The following SLC5A1 variants were observed in gnomAD, a reference collection of about 807,000 sequenced individuals.
SLC5A1 encodes sodium/glucose cotransporter 1.
A neutral mutation model predicts 73.5 loss-of-function variants in SLC5A1; 42 were observed. The observed-to-expected ratio is 0.57, with a 90% confidence interval of 0.45 to 0.74. The LOEUF (loss-of-function observed/expected upper bound fraction) is 0.74. SLC5A1 is among the 30% of genes least tolerant of loss of function. The probability of loss-of-function intolerance (pLI) is 0.00; values close to 1 mark genes in which losing one functional copy is unlikely to be tolerated. For synonymous variants in SLC5A1, 300 were observed against 317.4 expected (o/e 0.95, Z 0.58); for missense variants, 634 against 855.4 (o/e 0.74, Z 3.23).
chr22:32,053,727 C>CAGA (rs1459931340), intron 2 of SLC5A1, among the ~76,000 whole-genome samples: 1 of 152,094 alleles, frequency 6.6e-6, no homozygotes, highest in African/African-American at 2.4e-5. Flanking sequence ...TCGGAAGAGG[C>CAGA]AGAAAGGTGG....
intron 10 of SLC5A1, among the ~76,000 whole-genome samples, chr22:32,091,068 T>C (rs1377629431): frequency 6.6e-6 from 1 of 152,164 alleles, no homozygotes; most frequent in Non-Finnish European, 1.5e-5. Context: ...TTTGGCATTT[T>C]AAATTGGGTT....
chr22:32,109,957 T>C (rs770717698), intron 14 of SLC5A1, 33 bp from the exon 15 acceptor site: 1 of 1,579,064 alleles, frequency 6.3e-7, no homozygotes, highest in South Asian at 1.1e-5. Flanking sequence ...ATCCTGCTTC[T>C]GTGTCCAATA....
chr22:32,085,083 C>G, intron 9 of SLC5A1, 48 bp downstream of exon 9: 1 of 1,610,740 alleles, frequency 6.2e-7, no homozygotes, highest in Non-Finnish European at 8.5e-7. Context: ...TTTTCTGTCT[C>G]CAAGTCACTT....
chr22:32,112,699 C>A lies in SLC5A1; in HGVS notation c.*2486C>A, dbSNP rs534167609. On this transcript the variant is annotated 3_prime_UTR_variant, in exon 15 of 15. Coordinates refer to ENST00000266088, the MANE Select transcript of SLC5A1 (RefSeq NM_000343.4). ...AATCTTAAAAAGTCAAACTCAGAAGCAGAGAGTAGAATGATGGTTATCAAG... is the reference window on the plus strand; with the variant it reads ...AATCTTAAAAAGTCAAACTCAGAAGAAGAGAGTAGAATGATGGTTATCAAG... 1 of 151,988 alleles carries A rather than the reference C, an allele frequency of 6.6e-6. No homozygotes were observed. The highest frequency in any genetic ancestry group is 2.4e-5 in the African/African-American group (1 of 41,418). The allele number at this position is 151,988 out of a possible 1,614,324, so 9.4% of individuals were successfully genotyped here.
At chr22:32,077,283 CCT>C (rs918967739) in intron 5 of SLC5A1, among the ~76,000 whole-genome samples, 8 of 149,680 alleles carry the variant, frequency 5.3e-5, no homozygotes, top group African/African-American at 1.7e-4. Flanking sequence ...TTTCTCTCTC[CCT>C]CTGTTACCTT....
chr22:32,049,963 T>G lies in SLC5A1; in HGVS notation c.156T>G (p.Arg52=). 6.2e-7 allele frequency: 1 copy of G among 1,614,102 alleles called. No individual in the cohort carries two copies. Among genetic ancestry groups the G allele is most frequent in the African/African-American group, 1.3e-5 (1 of 75,050 alleles). Reference sequence around the variant, plus strand: ...CTCAGGCTATGTTTTCCACCAATCGTGGGACTGTTGGAGGCTTCTTCCTGG... The same window carrying G: ...CTCAGGCTATGTTTTCCACCAATCGGGGGACTGTTGGAGGCTTCTTCCTGG... ...VGLWAMFSTN[R]GTVGGFFLAG... Residue 52 remains arginine, a synonymous_variant, in exon 2 of 15, where the codon CGT becomes CGG. Coordinates refer to ENST00000266088, the MANE Select transcript of SLC5A1 (RefSeq NM_000343.4).
At chr22:32,071,134 A>G (rs2093982242) in intron 5 of SLC5A1, among the ~76,000 whole-genome samples, 1 of 152,130 alleles carries the variant, frequency 6.6e-6, no homozygotes, top group East Asian at 1.9e-4. Context: ...CTGAAAACAC[A>G]AAGTGTTCTT....
At chr22:32,075,029 T>C (rs1428200940) in intron 5 of SLC5A1, among the ~76,000 whole-genome samples, 2 of 151,680 alleles carry the variant, frequency 1.3e-5, no homozygotes, top group Non-Finnish European at 2.9e-5. Flanking sequence ...CCTGAGTAGC[T>C]GAGACTACAT....
chr22:32,053,883 A>G (rs1394525929), intron 2 of SLC5A1, among the ~76,000 whole-genome samples: 1 of 152,188 alleles, frequency 6.6e-6, no homozygotes, highest in Non-Finnish European at 1.5e-5. Context: ...CATCATTATA[A>G]TTGTTTCTCA....
rs199573966 is a variant in SLC5A1, at chr22:32,091,723, G to T, written c.1241G>T (p.Arg414Leu). The change falls in exon 11 of 15, where the codon CGC becomes CTC. Residue 414 changes from arginine to leucine, a missense_variant. By Grantham distance (102) the Arg-to-Leu change is moderately radical (BLOSUM62 -2). Around this residue, in one of 3 missense-constraint regions of SLC5A1, gnomAD observed 422 missense variants for 626.1 expected, o/e 0.67. Transcript: ENST00000266088. ...LFTMDIYAKV[R>L]KRASEKELMI... ...ACCATGGACATCTACGCCAAGGTCC[G>T]CAAGAGAGCATCTGAGAAAGAGCTC... 1.9e-6 allele frequency: 3 copies of T among 1,613,826 alleles called. No individual in the cohort carries two copies. The highest frequency in any genetic ancestry group is 1.3e-5 in the African/African-American group (1 of 74,868).
chr22:32,047,103 GT>G (rs2093938175), intron 1 of SLC5A1, among the ~76,000 whole-genome samples: 2 of 152,190 alleles, frequency 1.3e-5, no homozygotes, highest in South Asian at 4.1e-4. Flanking sequence ...ATTTGGAGAA[GT>G]GAGGAGGCTG....
chr22:32,100,998 G>A (rs2094035333), intron 12 of SLC5A1, among the ~76,000 whole-genome samples: 1 of 152,126 alleles, frequency 6.6e-6, no homozygotes, highest in Non-Finnish European at 1.5e-5. Context: ...CACCCACCCT[G>A]TGTAGCTTGT....
At position 32,091,601 on chromosome 22, in the gene SLC5A1, T is replaced by C; in HGVS notation, c.1130-11T>C. The C allele has an allele frequency of 1.2e-6, 2 of 1,613,582 alleles. No individual in the cohort carries two copies. The highest frequency in any genetic ancestry group is 1.7e-6 in the Non-Finnish European group (2 of 1,179,934). On this transcript the variant is annotated splice_polypyrimidine_tract_variant and intron_variant, in intron 10 of 14. Transcript: ENST00000266088. ...GCTGTTATGTGCCACTCAAAAATCC[T>C]TCTCTTCCAGGACTGCGAGGCCTGA...
At chr22:32,086,060 G>C (rs1248104900) in intron 9 of SLC5A1, among the ~76,000 whole-genome samples, 160 bp from the exon 10 acceptor site, 1 of 151,654 alleles carries the variant, frequency 6.6e-6, no homozygotes, top group East Asian at 1.9e-4. Flanking sequence ...AGAATGGCGT[G>C]AACCCGGGAG....
Position 32,110,268 on chromosome 22 carries a change from A to C in SLC5A1, c.*55A>C. 7.3e-7 allele frequency: 1 copy of C among 1,373,908 alleles called. No homozygotes were observed. Among genetic ancestry groups the C allele is most frequent in the South Asian group, 1.2e-5 (1 of 85,626 alleles). 85.1% of individuals were successfully genotyped at this position (1,373,908 alleles called of 1,614,324 possible). The stretch of plus-strand genomic sequence containing the variant: ...GCTGGACTCTTACTCACCTTCCTTT[A>C]GTCTCGTCCTGTGGTGTTGAAGGGA... On this transcript the variant is annotated 3_prime_UTR_variant, in exon 15 of 15. Coordinates refer to ENST00000266088, the MANE Select transcript of SLC5A1 (RefSeq NM_000343.4).
intron 14 of SLC5A1, among the ~76,000 whole-genome samples, chr22:32,107,905 T>C (rs1404738065): frequency 6.6e-6 from 1 of 152,106 alleles, no homozygotes; most frequent in African/African-American, 2.4e-5. Context: ...ACTGTCCCAG[T>C]ATCATCATCC....
Position 32,104,775 on chromosome 22 carries a change from C to T in SLC5A1, c.1666-11C>T. 6.2e-7 allele frequency: 1 copy of T among 1,611,598 alleles called. No individual in the cohort carries two copies. Among genetic ancestry groups the T allele is most frequent in the East Asian group, 2.2e-5 (1 of 44,870 alleles). ...GGATCTTTCTGTTGACCTGTTCTGC[C>T]TTCTCTGCAGCTCTACCGTCTGTGT... On this transcript the variant is annotated splice_polypyrimidine_tract_variant and intron_variant, in intron 13 of 14. Transcript: ENST00000266088.
intron 5 of SLC5A1, among the ~76,000 whole-genome samples, chr22:32,069,770 CTA>C (rs2093979820): frequency 6.6e-6 from 1 of 152,144 alleles, no homozygotes; most frequent in African/African-American, 2.4e-5. Context: ...AAATCTGACT[CTA>C]TGTGACATTT....
intron 2 of SLC5A1, among the ~76,000 whole-genome samples, chr22:32,056,986 C>A (rs1007903931): frequency 6.6e-6 from 1 of 152,036 alleles, no homozygotes; most frequent in Non-Finnish European, 1.5e-5. Flanking sequence ...CCAGTAATAC[C>A]CTTTAGGGTA....
Sources: gnomAD v4.1 joint callset for allele counts (sites outside exome capture counted in the v4.1 genomes callset) on GRCh38, gnomAD v4.1.1 for gene constraint, gnomAD v4.1.1 regional missense constraint, MANE v1.5 for transcripts, NCBI Gene and HGNC (gene_info 2026-07-23, HGNC 2026-07-21) for gene names.